Variants in PKHD1 observed in about 807,000 individuals in gnomAD.
The protein encoded by PKHD1 is fibrocystin.
Under a neutral mutation model 412.0 loss-of-function variants are expected in PKHD1, and 291 were observed. That is an observed-to-expected ratio of 0.71 (90% CI 0.64 to 0.78). The LOEUF is 0.78. PKHD1 is among the 30% of genes least tolerant of loss of function. The pLI, the probability that PKHD1 is intolerant of heterozygous loss-of-function variation, is 0.00. For missense variants in PKHD1, 4,825 were observed against 4,950.7 expected (o/e 0.97, Z 0.76); for synonymous variants, 1,777 against 1,821.5 (o/e 0.98, Z 0.62).
In PKHD1 at chr6:51,874,717, A is replaced by C. The variant is rs1232547814; in HGVS notation, c.7351-4078T>G. ...GCCAAGGCGGGCGGATCACGAGGTCAGGAGATTGAGACCATCCTGGCTAAC... is the reference window on the plus strand; with the variant it reads ...GCCAAGGCGGGCGGATCACGAGGTCCGGAGATTGAGACCATCCTGGCTAAC... On this transcript the variant is annotated intron_variant, in intron 46 of 66. Transcript: ENST00000371117. Among the ~76,000 whole-genome samples, 4 of 151,720 alleles carry C rather than the reference A, an allele frequency of 2.6e-5. No individual in the cohort carries two copies. In the East Asian group the frequency reaches 7.8e-4, roughly 30 times the overall value.
Position 51,792,830 on chromosome 6 carries a change from C to T in PKHD1, c.8303-1457G>A, listed in dbSNP as rs111561111. The stretch of plus-strand genomic sequence containing the variant: ...GGCTCCACCACTCTCCCTGGGGAAA[C>T]AACCTCTCTCTTTTACACTCCAGTG... On this transcript the variant is annotated intron_variant, in intron 52 of 66. Coordinates refer to ENST00000371117, the MANE Select transcript of PKHD1 (RefSeq NM_138694.4). Among the ~76,000 whole-genome samples the T allele has an allele frequency of 3.7e-3, 561 of 152,288 alleles. 5 individuals are homozygous for T. Among genetic ancestry groups the T allele is most frequent in the African/African-American group, 0.013 (526 of 41,552 alleles).
At chr6:51,695,721 A>T (rs1027024132) in intron 60 of PKHD1, among the ~76,000 whole-genome samples, 2 of 152,224 alleles carry the variant, frequency 1.3e-5, no homozygotes, top group African/African-American at 4.8e-5. Flanking sequence ...AAATAATAAC[A>T]ACATGGATAT....
At chr6:51,754,691 G>C in intron 56 of PKHD1, 93 bp downstream of exon 56, 1 of 1,044,776 alleles carries the variant, frequency 9.6e-7, no homozygotes, top group Non-Finnish European at 1.5e-6. Context: ...CTTCCCCTCT[G>C]AATGGCAATC....
chr6:51,636,304 T>C (rs987857669), intron 64 of PKHD1, among the ~76,000 whole-genome samples: 1 of 152,126 alleles, frequency 6.6e-6, no homozygotes, highest in Non-Finnish European at 1.5e-5. Context: ...CGGGGACTAA[T>C]GCCTATAATG....
chr6:51,825,961 T>C (rs994652908), intron 52 of PKHD1, among the ~76,000 whole-genome samples: 2 of 152,142 alleles, frequency 1.3e-5, no homozygotes, highest in Non-Finnish European at 2.9e-5. Context: ...CCAATATTTG[T>C]TTGGTTTCTA....
At position 51,903,609 on chromosome 6, in the gene PKHD1, G is replaced by A. The variant is rs770983834; in HGVS notation, c.6984C>T (p.Thr2328=). Residue 2328 remains threonine, a synonymous_variant, in exon 43 of 67, where the codon ACC becomes ACT. Coordinates refer to ENST00000371117, the MANE Select transcript of PKHD1 (RefSeq NM_138694.4). ...TPSGIYICSP[T]NVIEGNRVCG... is the part of the protein sequence containing the mutation. Reference sequence around the variant, plus strand: ...CTGAACATCTTACCTCTATAACATTGGTGGGACTGCAGATATAGATGCCAG... The same window carrying A: ...CTGAACATCTTACCTCTATAACATTAGTGGGACTGCAGATATAGATGCCAG... 6.2e-6 allele frequency: 10 copies of A among 1,610,440 alleles called. 1 individual carries two copies. In the South Asian group the frequency reaches 9.9e-5, roughly 16 times the overall value.
intron 35 of PKHD1, among the ~76,000 whole-genome samples, chr6:51,970,027 A>G (rs1469414023): frequency 6.6e-6 from 1 of 152,180 alleles, no homozygotes; most frequent in East Asian, 1.9e-4. Context: ...GTTTTCCATA[A>G]TGGTTCTACT....
chr6:51,948,750 G>T (rs1243845193), intron 36 of PKHD1, among the ~76,000 whole-genome samples: 1 of 152,134 alleles, frequency 6.6e-6, no homozygotes, highest in Non-Finnish European at 1.5e-5. Flanking sequence ...GGTGGGTAAA[G>T]GTAGGGAAAC....
chr6:51,867,848 G>T lies in PKHD1; in HGVS notation c.7733+15C>A, dbSNP rs771759749. 1.1e-5 allele frequency: 17 copies of T among 1,611,574 alleles called. No individual in the cohort carries two copies. Among genetic ancestry groups the T allele is most frequent in the Non-Finnish European group, 1.7e-6 (2 of 1,178,142 alleles). On this transcript the variant is annotated intron_variant, in intron 48 of 66. Transcript: ENST00000371117. ...GCCCATCGGCAAGCTAAAAAGTATA[G>T]TTAATTCCACTTACAAACCAATAGA...
chr6:51,992,508 T>C (rs953406938), intron 35 of PKHD1, among the ~76,000 whole-genome samples: 1 of 152,220 alleles, frequency 6.6e-6, no homozygotes, highest in Non-Finnish European at 1.5e-5. Flanking sequence ...AAGGGTGCAG[T>C]ATGAAGATGA....
At chr6:51,744,621 T>TA in intron 59 of PKHD1, 79 bp from the exon 60 acceptor site, 3 of 1,061,046 alleles carry the variant, frequency 2.8e-6, no homozygotes, top group Non-Finnish European at 4.4e-6. Context: ...AGTGCTAATG[T>TA]TGTTTAAAAT....
rs138312390 is a variant in PKHD1 at position 52,078,829 on chromosome 6, G to C, written c.390+1071C>G. The stretch of plus-strand genomic sequence containing the variant: ...GATAGAGGTGGTGGTGCAGCTCTTA[G>C]TAAAAAAGAATGATATAATGTTTTT... On this transcript the variant is annotated intron_variant, in intron 5 of 66. Coordinates refer to ENST00000371117, the MANE Select transcript of PKHD1 (RefSeq NM_138694.4). Among the ~76,000 whole-genome samples, 109 of 152,272 alleles carry C rather than the reference G, an allele frequency of 7.2e-4. 2 individuals are homozygous for C. The East Asian group carries it at 0.018, about 25-fold the overall frequency.
intron 35 of PKHD1, among the ~76,000 whole-genome samples, chr6:52,004,986 T>C (rs1480755533): frequency 6.6e-6 from 1 of 152,194 alleles, no homozygotes; most frequent in Non-Finnish European, 1.5e-5. Context: ...GTTCCTTTTT[T>C]GCACAGCTCC....
intron 53 of PKHD1, among the ~76,000 whole-genome samples, chr6:51,785,497 G>A (rs1792711839): frequency 1.3e-5 from 2 of 152,110 alleles, no homozygotes; most frequent in Non-Finnish European, 2.9e-5. Context: ...TGTTTTACAT[G>A]AAAAGTAATA....
chr6:51,822,108 G>A (rs573591046), intron 52 of PKHD1, among the ~76,000 whole-genome samples: 3 of 152,222 alleles, frequency 2.0e-5, no homozygotes, highest in East Asian at 1.9e-4. Context: ...TTAGAACACC[G>A]GGCAGTACTG....
intron 52 of PKHD1, among the ~76,000 whole-genome samples, chr6:51,821,637 A>G (rs759913021): frequency 1.3e-5 from 2 of 152,190 alleles, no homozygotes; most frequent in African/African-American, 2.4e-5. Context: ...AACAAAATAT[A>G]TTTTGTATTG....
At chr6:51,813,833 T>C (rs549902193) in intron 52 of PKHD1, among the ~76,000 whole-genome samples, 43 of 152,312 alleles carry the variant, frequency 2.8e-4, no homozygotes, top group African/African-American at 9.9e-4. Flanking sequence ...AACTATGTTA[T>C]TAATAAAATA....
At chr6:51,839,542 G>A (rs1418672243) in intron 50 of PKHD1, among the ~76,000 whole-genome samples, 1 of 152,132 alleles carries the variant, frequency 6.6e-6, no homozygotes, top group African/African-American at 2.4e-5. Flanking sequence ...AGAAAAGAGA[G>A]TTACTAAAGT....
At chr6:51,656,342 C>A (rs546738382) in intron 61 of PKHD1, among the ~76,000 whole-genome samples, 2 of 151,990 alleles carry the variant, frequency 1.3e-5, no homozygotes, top group African/African-American at 4.8e-5. Context: ...GGCCTGTTGA[C>A]GGGTGGGGAG....
Sources: gnomAD v4.1 joint callset for allele counts (sites outside exome capture counted in the v4.1 genomes callset) on GRCh38, gnomAD v4.1.1 for gene constraint, MANE v1.5 for transcripts, NCBI Gene and HGNC (gene_info 2026-07-23, HGNC 2026-07-21) for gene names.